TMEM170A: variants seen among roughly 807,000 people sequenced by gnomAD.
TMEM170A encodes the protein transmembrane protein 170A, also known as transmembrane protein 170.
A neutral mutation model predicts 12.8 loss-of-function variants in TMEM170A; 18 were observed. The observed-to-expected ratio is 1.41, with a 90% CI of 0.97 to 2.09. The LOEUF (loss-of-function observed/expected upper bound fraction) is 2.09. Ranked by LOEUF, TMEM170A falls within the 30% of genes most tolerant of loss-of-function variation. TMEM170A has a pLI of 0.00. For synonymous variants in TMEM170A, 107 were observed against 76.2 expected (o/e 1.40, Z -2.11); for missense variants, 220 against 179.9 (o/e 1.22, Z -1.28).
In TMEM170A at chr16:75,447,706, A is replaced by C; in HGVS notation, c.305-18T>G. 2 of 1,561,858 alleles carry C rather than the reference A, an allele frequency of 1.3e-6. No homozygotes were observed. The highest frequency in any genetic ancestry group is 1.7e-6 in the Non-Finnish European group (2 of 1,155,918). On this transcript the variant is annotated intron_variant, in intron 2 of 2. Transcript: ENST00000561878. ...AGCTGCACCTGATTTAAAATGCAAGAATGTTAAACAAAAACAAAAAACGAA... is the reference window on the plus strand; with the variant it reads ...AGCTGCACCTGATTTAAAATGCAAGCATGTTAAACAAAAACAAAAAACGAA...
At chr16:75,464,167 G>A (rs942110243) in intron 1 of TMEM170A, 106 of 1,454,524 alleles carry the variant, frequency 7.3e-5, no homozygotes, top group Middle Eastern at 2.4e-4. Context: ...AACCTGAGGC[G>A]CTCGGAAGCT....
intron 2 of TMEM170A, 98 bp downstream of exon 2, chr16:75,451,571 C>CT (rs2079682183): frequency 7.4e-7 from 1 of 1,353,390 alleles, no homozygotes; most frequent in Non-Finnish European, 1.0e-6. Context: ...AAAAGGCACT[C>CT]TTTCCTTCAT....
At chr16:75,460,388 C>A (rs2151648964) in intron 1 of TMEM170A, among the ~76,000 whole-genome samples, 1 of 152,224 alleles carries the variant, frequency 6.6e-6, no homozygotes, top group African/African-American at 2.4e-5. Context: ...CCAGGATCTA[C>A]CCTCCCCTCC....
chr16:75,455,403 A>G (rs2079774395), intron 1 of TMEM170A, among the ~76,000 whole-genome samples: 1 of 151,454 alleles, frequency 6.6e-6, no homozygotes. Flanking sequence ...CTGAAGGGGC[A>G]AGATGCCCAA....
intron 1 of TMEM170A, among the ~76,000 whole-genome samples, chr16:75,453,000 G>A (rs564489579): frequency 2.0e-4 from 31 of 152,206 alleles, no homozygotes; most frequent in African/African-American, 7.2e-4. Context: ...GGGCAAAGCT[G>A]ATAACAGTGA....
chr16:75,462,879 G>A (rs1181820195), intron 1 of TMEM170A, among the ~76,000 whole-genome samples: 2 of 152,142 alleles, frequency 1.3e-5, no homozygotes, highest in African/African-American at 4.8e-5. Flanking sequence ...TCTTGGATGT[G>A]ATATGGTTTC....
At chr16:75,447,767 A>G in intron 2 of TMEM170A, 79 bp from the exon 3 acceptor site, 1 of 1,433,268 alleles carries the variant, frequency 7.0e-7, no homozygotes, top group Non-Finnish European at 9.4e-7. Flanking sequence ...CATTTAAAAT[A>G]CTACTGCGAG....
intron 1 of TMEM170A, chr16:75,458,687 A>G (rs1158448506): frequency 1.3e-5 from 2 of 152,230 alleles, no homozygotes; most frequent in African/African-American, 4.8e-5. Context: ...AGACAATAAA[A>G]TCTGTATGGC....
intron 1 of TMEM170A, among the ~76,000 whole-genome samples, chr16:75,462,654 C>T (rs549106863): frequency 1.2e-4 from 18 of 152,344 alleles, no homozygotes; most frequent in African/African-American, 4.1e-4. Flanking sequence ...CAACAATTCA[C>T]ATGGACTCTT....
At chr16:75,451,604 A>C (rs904363604) in intron 2 of TMEM170A, 65 bp downstream of exon 2, 2 of 1,542,078 alleles carry the variant, frequency 1.3e-6, no homozygotes, top group Non-Finnish European at 1.8e-6. Context: ...TGTTTTCTAG[A>C]ATAGGTCCTG....
rs758213485 is a variant in TMEM170A at position 75,447,282 on chromosome 16, G to A, written c.*276C>T. 1 of 231,728 alleles carries A rather than the reference G, an allele frequency of 4.3e-6. No homozygotes were observed. Among genetic ancestry groups the A allele is most frequent in the Non-Finnish European group, 8.3e-6 (1 of 121,016 alleles). 14.4% of individuals were successfully genotyped at this position (231,728 alleles called of 1,614,324 possible). A position where few individuals can be genotyped will look rare whatever the true frequency, so the allele number is the denominator to read the frequency against. Reference sequence around the variant, plus strand: ...CCACCCCAGAGACACTGTTGACTTGGCTTGGGTAAAGGTACACATGAAAAC... The same window carrying A: ...CCACCCCAGAGACACTGTTGACTTGACTTGGGTAAAGGTACACATGAAAAC... On this transcript the variant is annotated 3_prime_UTR_variant, in exon 3 of 3. Transcript: ENST00000561878.
chr16:75,456,893 C>T (rs1262317841), intron 1 of TMEM170A, among the ~76,000 whole-genome samples: 1 of 152,222 alleles, frequency 6.6e-6, no homozygotes, highest in East Asian at 1.9e-4. Flanking sequence ...CCACACAGCA[C>T]CATGCTTCTC....
chr16:75,453,969 G>A (rs1157704512), intron 1 of TMEM170A, among the ~76,000 whole-genome samples: 1 of 152,202 alleles, frequency 6.6e-6, no homozygotes, highest in Non-Finnish European at 1.5e-5. Context: ...AATCCTCAAG[G>A]TAGCTCTCCA....
Position 75,447,363 on chromosome 16 carries a change from A to C in TMEM170A, c.*195T>G. 1 of 468,530 alleles carries C rather than the reference A, an allele frequency of 2.1e-6. No homozygotes were observed. The highest frequency in any genetic ancestry group is 4.4e-5 in the Admixed American group (1 of 22,830). 29.0% of individuals were successfully genotyped at this position (468,530 alleles called of 1,614,324 possible). ...GCCAAAAGACTTGTTTTGGTTGAGA[A>C]CAATAGGAGTCCACATAAGTCTTCA... On this transcript the variant is annotated 3_prime_UTR_variant, in exon 3 of 3. Coordinates refer to ENST00000561878, the MANE Select transcript of TMEM170A (RefSeq NM_145254.3).
chr16:75,462,948 G>T (rs1374031326), intron 1 of TMEM170A, among the ~76,000 whole-genome samples: 1 of 152,012 alleles, frequency 6.6e-6, no homozygotes, highest in Non-Finnish European at 1.5e-5. Context: ...TCAAGCAAGT[G>T]TTATGACTTC....
chr16:75,464,662 G>GCCGACT lies in TMEM170A; in HGVS notation c.-68_-63dup. The GCCGACT allele has an allele frequency of 6.5e-7, 1 of 1,531,476 alleles. No homozygotes were observed. Among genetic ancestry groups the GCCGACT allele is most frequent in the Non-Finnish European group, 8.7e-7 (1 of 1,147,210 alleles). The allele number at this position is 1,531,476 out of a possible 1,614,324, so 94.9% of individuals were successfully genotyped here. A position where few individuals can be genotyped will look rare whatever the true frequency, so the allele number is the denominator to read the frequency against. On this transcript the variant is annotated 5_prime_UTR_variant, in exon 1 of 3. Transcript: ENST00000561878. ...CGCCCGAAGTGCGGTAGCGGCCGGCGCCGACTCACCCTCGCCGCCTCAGCG... is the reference window on the plus strand; with the variant it reads ...CGCCCGAAGTGCGGTAGCGGCCGGCGCCGACTCCGACTCACCCTCGCCGCCTCAGCG...
At chr16:75,461,496 A>G (rs1403085968) in intron 1 of TMEM170A, among the ~76,000 whole-genome samples, 1 of 152,262 alleles carries the variant, frequency 6.6e-6, no homozygotes, top group Non-Finnish European at 1.5e-5. Flanking sequence ...TTCTGCCATA[A>G]TGAGTTGGCA....
rs76040980 is a variant in TMEM170A at position 75,454,112 on chromosome 16, C to T, written c.134-2273G>A. Among the ~76,000 whole-genome samples the T allele has an allele frequency of 2.8e-3, 432 of 152,288 alleles. 8 individuals are homozygous for T. The East Asian group carries it at 0.067, about 24-fold the overall frequency. ...TAGCTCAGCAGGGTTTCTTGACCACCGCCCTCCGCCCTATTGACATTTGGA... is the reference window on the plus strand; with the variant it reads ...TAGCTCAGCAGGGTTTCTTGACCACTGCCCTCCGCCCTATTGACATTTGGA... On this transcript the variant is annotated intron_variant, in intron 1 of 2. Coordinates refer to ENST00000561878, the MANE Select transcript of TMEM170A (RefSeq NM_145254.3).
Position 75,447,356 on chromosome 16 carries a change from GT to G in TMEM170A, c.*201del. The G allele has an allele frequency of 4.5e-6, 2 of 439,564 alleles. No homozygotes were observed. Among genetic ancestry groups the G allele is most frequent in the Non-Finnish European group, 7.4e-6 (2 of 269,134 alleles). The allele number at this position is 439,564 out of a possible 1,614,324, so 27.2% of individuals were successfully genotyped here. On this transcript the variant is annotated 3_prime_UTR_variant, in exon 3 of 3. Transcript: ENST00000561878. Reference sequence around the variant, plus strand: ...AAAGAAAGCCAAAAGACTTGTTTTGGTTGAGAACAATAGGAGTCCACATAAG... The same window carrying G: ...AAAGAAAGCCAAAAGACTTGTTTTGGTGAGAACAATAGGAGTCCACATAAG...
Sources: allele counts gnomAD v4.1 joint callset (sites outside exome capture counted in the v4.1 genomes callset), GRCh38; gene constraint gnomAD v4.1.1; transcripts MANE v1.5; gene names NCBI Gene and HGNC (gene_info 2026-07-23, HGNC 2026-07-21).